The following KCNK2 variants were observed in gnomAD, a reference collection of about 807,000 sequenced individuals.
KCNK2 encodes the protein potassium channel subfamily K member 2.
In KCNK2, 21 loss-of-function variants were observed where a neutral mutation model predicts 40.5. The observed-to-expected ratio is 0.52, with a 90% CI of 0.37 to 0.75. The LOEUF is 0.75. Ranked by LOEUF, KCNK2 falls within the 30% of genes least tolerant of loss-of-function variation. KCNK2 has a pLI of 0.00. For missense variants in KCNK2, 399 were observed against 531.6 expected (o/e 0.75, Z 2.45); for synonymous variants, 191 against 202.2 (o/e 0.94, Z 0.47).
At chr1:215,216,365 G>T (rs1030520265) in intron 6 of KCNK2, among the ~76,000 whole-genome samples, 4 of 147,666 alleles carry the variant, frequency 2.7e-5, no homozygotes, top group Non-Finnish European at 6.0e-5. Context: ...TTGTATATTA[G>T]ATAATATATA....
chr1:215,187,409 C>G (rs1664485601), intron 5 of KCNK2, among the ~76,000 whole-genome samples: 2 of 152,076 alleles, frequency 1.3e-5, no homozygotes, highest in African/African-American at 4.8e-5. Context: ...TTAAGTCATG[C>G]TTGCCTTCCT....
intron 6 of KCNK2, among the ~76,000 whole-genome samples, chr1:215,219,192 T>A (rs1571744575): frequency 6.6e-6 from 1 of 152,180 alleles, no homozygotes; most frequent in Non-Finnish European, 1.5e-5. Context: ...TCCATTCTTG[T>A]GTGGCTGTAA....
At chr1:215,095,976 A>C (rs1297620999) in intron 2 of KCNK2, among the ~76,000 whole-genome samples, 1 of 152,096 alleles carries the variant, frequency 6.6e-6, no homozygotes, top group Non-Finnish European at 1.5e-5. Context: ...AGGTGAGGTA[A>C]ATCAGGGAAG....
rs1050928513 is a variant in KCNK2, at chr1:215,113,913, C to G, written c.358-10720C>G. On this transcript the variant is annotated intron_variant, in intron 2 of 6. Transcript: ENST00000444842. ...CAGATGTACAGCCCCAACAGATATA[C>G]AGCAAGTGATTAAAAATGAAAGTGT... Among the ~76,000 whole-genome samples, 3 of 152,232 alleles carry G rather than the reference C, an allele frequency of 2.0e-5. No homozygotes were observed. In the East Asian group the frequency reaches 5.8e-4, roughly 29 times the overall value.
At chr1:215,028,982 A>G (rs1657090737) in intron 1 of KCNK2, among the ~76,000 whole-genome samples, 1 of 148,944 alleles carries the variant, frequency 6.7e-6, no homozygotes, top group African/African-American at 2.5e-5. Context: ...TTTTTTTTAG[A>G]AGAGTTTTAA....
At chr1:215,080,031 A>C (rs1659091127), upstream of KCNK2, among the ~76,000 whole-genome samples, 1 of 152,124 alleles carries the variant, frequency 6.6e-6, no homozygotes, top group South Asian at 2.1e-4. Flanking sequence ...GGGCCTAATA[A>C]TGAAAATAAT....
At chr1:215,222,842 T>G (rs1666236392) in intron 6 of KCNK2, among the ~76,000 whole-genome samples, 1 of 152,132 alleles carries the variant, frequency 6.6e-6, no homozygotes, top group Admixed American at 6.5e-5. Context: ...GAAAATGAAT[T>G]AATGATAATT....
chr1:215,228,994 C>T (rs1666509895), intron 6 of KCNK2, among the ~76,000 whole-genome samples: 1 of 151,838 alleles, frequency 6.6e-6, no homozygotes, highest in South Asian at 2.1e-4. Flanking sequence ...TGCATGCAGC[C>T]CAGGATAGCT....
chr1:215,070,779 C>T (rs1658729331), intron 1 of KCNK2, among the ~76,000 whole-genome samples: 1 of 152,136 alleles, frequency 6.6e-6, no homozygotes, highest in Non-Finnish European at 1.5e-5. Flanking sequence ...GTCCTATTAG[C>T]TTTCAGTTTA....
upstream of KCNK2, among the ~76,000 whole-genome samples, chr1:215,079,136 CATTAA>C (rs1659054145): frequency 6.6e-6 from 1 of 152,128 alleles, no homozygotes; most frequent in South Asian, 2.1e-4. Flanking sequence ...TTTGCTTATT[CATTAA>C]ATTAAAGTTA....
At chr1:215,095,785 G>T (rs1189181151) in intron 2 of KCNK2, among the ~76,000 whole-genome samples, 1 of 152,012 alleles carries the variant, frequency 6.6e-6, no homozygotes, top group South Asian at 2.1e-4. Flanking sequence ...TGCTTTAGTC[G>T]TCTGTGTGCT....
At chr1:215,207,643 T>C (rs57416025) in intron 6 of KCNK2, among the ~76,000 whole-genome samples, 1,574 of 152,344 alleles carry the variant, frequency 0.01, 22 homozygotes, top group African/African-American at 0.036. Context: ...GTAGTCACTT[T>C]CATAATGAAG....
At chr1:215,191,612 A>G (rs140018954) in intron 5 of KCNK2, among the ~76,000 whole-genome samples, 1 of 152,174 alleles carries the variant, frequency 6.6e-6, no homozygotes, top group Non-Finnish European at 1.5e-5. Context: ...CACATGTCAT[A>G]TAAGAATGTC....
At chr1:215,112,466 A>G (rs1390513230) in intron 2 of KCNK2, among the ~76,000 whole-genome samples, 1 of 152,182 alleles carries the variant, frequency 6.6e-6, no homozygotes, top group African/African-American at 2.4e-5. Context: ...TCAAAAAATT[A>G]AACAGTTTAT....
At chr1:215,129,208 A>G (rs1385419819) in intron 3 of KCNK2, among the ~76,000 whole-genome samples, 5 of 152,210 alleles carry the variant, frequency 3.3e-5, no homozygotes, top group South Asian at 2.1e-4. Flanking sequence ...TAACTCATGG[A>G]CAGTGCTAGT....
At chr1:215,160,293 G>A (rs577627963) in intron 3 of KCNK2, among the ~76,000 whole-genome samples, 10 of 152,264 alleles carry the variant, frequency 6.6e-5, no homozygotes, top group African/African-American at 2.4e-4. Flanking sequence ...ACTATAAAAT[G>A]GTTCAGAAAA....
At chr1:215,092,861 G>A (rs76425373) in intron 2 of KCNK2, among the ~76,000 whole-genome samples, 2 of 152,248 alleles carry the variant, frequency 1.3e-5, no homozygotes, top group East Asian at 1.9e-4. Context: ...TGGCTATAAA[G>A]TGATACTCTT....
intron 3 of KCNK2, among the ~76,000 whole-genome samples, chr1:215,150,095 C>A (rs78035954): frequency 0.081 from 12,375 of 152,146 alleles, 557 homozygotes; most frequent in Middle Eastern, 0.15. Flanking sequence ...GGGAACCCTG[C>A]ATGCAGGAGG....
At chr1:215,106,040 G>A (rs1451522871) in intron 2 of KCNK2, among the ~76,000 whole-genome samples, 1 of 152,050 alleles carries the variant, frequency 6.6e-6, no homozygotes, top group Non-Finnish European at 1.5e-5. Context: ...GAATAGTGCT[G>A]TGATGAACAT....
Sources: gnomAD v4.1 joint callset for allele counts (sites outside exome capture counted in the v4.1 genomes callset) on GRCh38, gnomAD v4.1.1 for gene constraint, MANE v1.5 for transcripts, NCBI Gene and HGNC (gene_info 2026-07-23, HGNC 2026-07-21) for gene names.